Variants in FAM227B observed in about 807,000 individuals in gnomAD.
The protein encoded by FAM227B is protein FAM227B.
A neutral mutation model predicts 73.8 loss-of-function variants in FAM227B; 88 were observed. The ratio of observed to expected loss-of-function variants is 1.19; its 90% CI spans 1.00 to 1.42. The LOEUF (loss-of-function observed/expected upper bound fraction) is 1.42, where lower values mean the gene tolerates loss of function less well. FAM227B is among the 40% of genes most tolerant of loss of function. The pLI is 0.00. For synonymous variants in FAM227B, 210 were observed against 190.5 expected, an observed-to-expected ratio of 1.10 and a Z score of -0.84; for missense variants, 632 against 590.9, an observed-to-expected ratio of 1.07 and a Z score of -0.72.
intron 11 of FAM227B, among the ~76,000 whole-genome samples, chr15:49,397,582 TAAGGGC>T (rs2047778351): frequency 6.6e-6 from 1 of 152,076 alleles, no homozygotes; most frequent in East Asian, 1.9e-4. Context: ...GAAAAAATGT[TAAGGGC>T]AGCTAGAGAG....
intron 11 of FAM227B, among the ~76,000 whole-genome samples, chr15:49,437,398 T>C (rs1201774235): frequency 2.0e-5 from 3 of 151,650 alleles, no homozygotes; most frequent in Middle Eastern, 3.2e-3. Flanking sequence ...CTTTTGTCCA[T>C]GTCCTTAGTT....
At chr15:49,509,475 C>A (rs148474551) in intron 10 of FAM227B, among the ~76,000 whole-genome samples, 1 of 152,014 alleles carries the variant, frequency 6.6e-6, no homozygotes. Flanking sequence ...ACACAAGGGG[C>A]GCAAAAGTCA....
chr15:49,528,965 A>G (rs1354893207), intron 10 of FAM227B, among the ~76,000 whole-genome samples: 2 of 151,868 alleles, frequency 1.3e-5, no homozygotes, highest in Non-Finnish European at 2.9e-5. Flanking sequence ...CAGCAGTCCT[A>G]CTACTGGGTA....
rs914236255 is a variant in FAM227B at position 49,523,349 on chromosome 15, A to C, written c.875-15001T>G. 1.9e-4 allele frequency among the ~76,000 whole-genome samples: 29 copies of C among 152,246 alleles called. No individual in the cohort carries two copies. The East Asian group carries it at 5.0e-3, about 26-fold the overall frequency. ...CTTGGGATGGTGAATAAGTCTCACA[A>C]GATCTGATAATTTAAAAAATGGGAG... On this transcript the variant is annotated intron_variant, in intron 10 of 15. Transcript: ENST00000299338.
chr15:49,365,203 G>T, intron 13 of FAM227B: 1 of 848,482 alleles, frequency 1.2e-6, no homozygotes, highest in Non-Finnish European at 2.0e-6. Context: ...TCATCTGATA[G>T]CTGTTACCTT....
At chr15:49,493,636 T>C (rs1440883348) in intron 11 of FAM227B, among the ~76,000 whole-genome samples, 1 of 151,954 alleles carries the variant, frequency 6.6e-6, no homozygotes, top group African/African-American at 2.4e-5. Context: ...TAATCTAGCA[T>C]TTAGAGAATT....
At chr15:49,439,508 T>A (rs987771686) in intron 11 of FAM227B, among the ~76,000 whole-genome samples, 3 of 151,796 alleles carry the variant, frequency 2.0e-5, no homozygotes, top group African/African-American at 7.2e-5. Flanking sequence ...ACGGACTAAC[T>A]ACCATGCATG....
chr15:49,614,684 AG>A (rs902100957), intron 2 of FAM227B: 1 of 156,504 alleles, frequency 6.4e-6, no homozygotes, highest in Non-Finnish European at 1.4e-5. Flanking sequence ...GATAGTGTCA[AG>A]GAACTAAAAC....
intron 9 of FAM227B, among the ~76,000 whole-genome samples, chr15:49,559,659 G>A (rs537921107): frequency 3.3e-5 from 5 of 152,208 alleles, no homozygotes; most frequent in South Asian, 2.1e-4. Flanking sequence ...ACTATAGGCC[G>A]GGTGTGGTGG....
intron 11 of FAM227B, chr15:49,422,365 C>T (rs2049758053): frequency 1.1e-5 from 3 of 272,504 alleles, no homozygotes; most frequent in African/African-American, 2.2e-5. Flanking sequence ...AGTAAAATAG[C>T]TTTCACTTAT....
chr15:49,376,421 A>G (rs1035226763), intron 11 of FAM227B, among the ~76,000 whole-genome samples: 1 of 152,058 alleles, frequency 6.6e-6, no homozygotes, highest in Non-Finnish European at 1.5e-5. Flanking sequence ...TAGAAAATCA[A>G]TGACCCATGA....
chr15:49,468,450 T>G (rs2054456692), intron 11 of FAM227B, among the ~76,000 whole-genome samples: 1 of 152,172 alleles, frequency 6.6e-6, no homozygotes, highest in African/African-American at 2.4e-5. Flanking sequence ...TTTAGTGTAT[T>G]CCAAGGTTCT....
chr15:49,458,352 G>C (rs2053504915), intron 11 of FAM227B, among the ~76,000 whole-genome samples: 1 of 152,000 alleles, frequency 6.6e-6, no homozygotes, highest in Non-Finnish European at 1.5e-5. Context: ...TTGGCTTTGA[G>C]TCATCTTTAA....
intron 11 of FAM227B, chr15:49,488,576 G>C (rs1447810315): frequency 1.3e-5 from 2 of 151,918 alleles, no homozygotes; most frequent in Non-Finnish European, 2.9e-5. Flanking sequence ...TGGTTATCAT[G>C]TGGTTGCATT....
intron 11 of FAM227B, among the ~76,000 whole-genome samples, chr15:49,473,724 A>AT (rs1367361065): frequency 6.6e-6 from 1 of 152,144 alleles, no homozygotes; most frequent in Non-Finnish European, 1.5e-5. Flanking sequence ...AAGTGAGCTA[A>AT]TTTTTTTAAA....
intron 11 of FAM227B, among the ~76,000 whole-genome samples, chr15:49,412,899 C>T (rs979769101): frequency 6.6e-6 from 1 of 151,988 alleles, no homozygotes. Context: ...TAAAAAGGTC[C>T]AGATCTCTCT....
intron 11 of FAM227B, among the ~76,000 whole-genome samples, chr15:49,503,105 C>T (rs1383220394): frequency 6.6e-6 from 1 of 152,100 alleles, no homozygotes; most frequent in Non-Finnish European, 1.5e-5. Context: ...GAACAGAGCC[C>T]TCAGAAATAA....
At chr15:49,403,666 T>C (rs1256268577) in intron 11 of FAM227B, among the ~76,000 whole-genome samples, 3 of 152,218 alleles carry the variant, frequency 2.0e-5, no homozygotes, top group East Asian at 3.9e-4. Context: ...TTTATTGGTC[T>C]AGCTAGCAGT....
At chr15:49,492,597 G>A (rs531769448) in intron 11 of FAM227B, among the ~76,000 whole-genome samples, 2 of 151,610 alleles carry the variant, frequency 1.3e-5, no homozygotes, top group African/African-American at 2.4e-5. Context: ...TTACTTTCTT[G>A]CTAATAAATC....
Sources: allele counts gnomAD v4.1 joint callset (sites outside exome capture counted in the v4.1 genomes callset), GRCh38; gene constraint gnomAD v4.1.1; transcripts MANE v1.5; gene names NCBI Gene and HGNC (gene_info 2026-07-23, HGNC 2026-07-21).